Variants in ACTR8 observed in about 807,000 individuals in gnomAD.
The protein encoded by ACTR8 is actin related protein 8.
In ACTR8, 70 loss-of-function variants were observed where a neutral mutation model predicts 84.3. The ratio of observed to expected loss-of-function variants is 0.83; its 90% CI spans 0.68 to 1.01. The LOEUF (loss-of-function observed/expected upper bound fraction) is 1.01, where lower values mean the gene tolerates loss of function less well. Ranked by LOEUF, ACTR8 falls within the 50% of genes least tolerant of loss-of-function variation. The pLI, the probability that ACTR8 is intolerant of heterozygous loss-of-function variation, is 0.00. For synonymous variants in ACTR8, 268 were observed against 275.2 expected, an observed-to-expected ratio of 0.97 and a Z score of 0.26; for missense variants, 672 against 775.4, an observed-to-expected ratio of 0.87 and a Z score of 1.58.
rs948419677 is a variant in ACTR8 at position 53,868,996 on chromosome 3, C to G, written c.1732-134G>C. On this transcript the variant is annotated intron_variant, in intron 12 of 12. Coordinates refer to ENST00000335754, the MANE Select transcript of ACTR8 (RefSeq NM_022899.5). ...CCAGGCTTTCACCCTGTATTAAAGA[C>G]AGCAGGATTAAATACAGGCTCACGC... is the stretch of plus-strand genomic sequence containing the variant. The G allele has an allele frequency of 3.1e-6, 4 of 1,275,090 alleles. No individual in the cohort carries two copies. The African/African-American group carries it at 6.1e-5, about 19-fold the overall frequency. The allele number at this position is 1,275,090 out of a possible 1,614,324, so 79.0% of individuals were successfully genotyped here.
intron 6 of ACTR8, 108 bp downstream of exon 6, chr3:53,876,512 C>G (rs1699971017): frequency 4.2e-6 from 3 of 716,856 alleles, no homozygotes; most frequent in Non-Finnish European, 7.0e-6. Context: ...GAGAGAGACT[C>G]TGTCTCAAAT....
intron 3 of ACTR8, among the ~76,000 whole-genome samples, 173 bp downstream of exon 3, chr3:53,878,184 G>A (rs1257864189): frequency 6.6e-6 from 1 of 152,124 alleles, no homozygotes; most frequent in Non-Finnish European, 1.5e-5. Context: ...TATGTGGCTT[G>A]CCTAAGCATT....
At chr3:53,865,294 T>C (rs28385751), downstream of ACTR8, 3,637 of 1,604,646 alleles carry the variant, frequency 2.3e-3, 74 homozygotes, top group African/African-American at 0.043. Context: ...CCACGATGGC[T>C]GCTGCTCCTT....
chr3:53,877,658 C>T lies in ACTR8; in HGVS notation c.499G>A (p.Val167Ile). 1.9e-6 allele frequency: 3 copies of T among 1,613,456 alleles called. No homozygotes were observed. The highest frequency in any genetic ancestry group is 2.5e-6 in the Non-Finnish European group (3 of 1,179,528). Reference protein sequence around the residue: ...TNTSHHPEYLVGEEALYVNPL... With the variant: ...TNTSHHPEYLIGEEALYVNPL... Reference sequence around the variant, plus strand: ...AAGAAGTTTCTTACCTCTTCTCCTACTAAATACTCAGGGTGATGAGATGTG... The same window carrying T: ...AAGAAGTTTCTTACCTCTTCTCCTATTAAATACTCAGGGTGATGAGATGTG... The change falls in exon 4 of 13, where the codon GTA becomes ATA. Residue 167 changes from valine (V) to isoleucine (I), a missense_variant. By Grantham distance (29) the Val-to-Ile change is conservative. Coordinates refer to ENST00000335754, the MANE Select transcript of ACTR8 (RefSeq NM_022899.5).
At chr3:53,875,639 C>G (rs1215431344) in intron 7 of ACTR8, among the ~76,000 whole-genome samples, 3 of 152,184 alleles carry the variant, frequency 2.0e-5, no homozygotes, top group African/African-American at 7.2e-5. Flanking sequence ...AGCTCTATGC[C>G]AAACCACAGC....
chr3:53,878,729 T>A (rs1410329726), intron 2 of ACTR8, among the ~76,000 whole-genome samples: 1 of 151,708 alleles, frequency 6.6e-6, no homozygotes, highest in Non-Finnish European at 1.5e-5. Context: ...GAGACTAAGG[T>A]GGAAAGATTG....
chr3:53,873,513 T>C (rs546697642), intron 8 of ACTR8, among the ~76,000 whole-genome samples: 3 of 152,312 alleles, frequency 2.0e-5, no homozygotes, highest in Admixed American at 1.3e-4. Context: ...AATCCATATA[T>C]AGCAATGATT....
chr3:53,861,416 CAAAAAAGA>C, the ACTR8 span: 1 of 151,666 alleles, frequency 6.6e-6, no homozygotes, highest in Admixed American at 6.6e-5. Context: ...GGACCATAGT[CAAAAAAGA>C]AAAAAATTCA....
In ACTR8 at chr3:53,879,404, T is replaced by C. The variant is rs1046233091; in HGVS notation, c.294+535A>G. On this transcript the variant is annotated intron_variant, in intron 2 of 12. Coordinates refer to ENST00000335754, the MANE Select transcript of ACTR8 (RefSeq NM_022899.5). The stretch of plus-strand genomic sequence containing the variant: ...AAAATGTGGATTATGATGTAATATA[T>C]AGATTTATCATTGATCACAAAGAAT... Among the ~76,000 whole-genome samples the C allele has an allele frequency of 3.3e-5, 5 of 152,204 alleles. 1 individual carries two copies. The highest frequency in any genetic ancestry group is 1.9e-4 in the East Asian group (1 of 5,204).
Position 53,876,420 on chromosome 3 carries a change from G to A in ACTR8, c.778+200C>T, listed in dbSNP as rs533348644. On this transcript the variant is annotated intron_variant, in intron 6 of 12. Transcript: ENST00000335754. ...TGTAGTCCCAGCCAATCAGGAGGCT[G>A]AGGCAGGAGAGTGGCGTGAACCCGG... is the stretch of plus-strand genomic sequence containing the variant. Among the ~76,000 whole-genome samples the A allele has an allele frequency of 1.4e-4, 21 of 152,186 alleles. No individual in the cohort carries two copies. The East Asian group carries it at 3.9e-3, about 28-fold the overall frequency.
chr3:53,881,229 G>A (rs904417306), intron 1 of ACTR8, among the ~76,000 whole-genome samples: 9 of 152,210 alleles, frequency 5.9e-5, no homozygotes, highest in Admixed American at 6.5e-5. Context: ...AGCTGGATCA[G>A]AGATGTCCTA....
rs771305876 is a variant in ACTR8 at position 53,878,346 on chromosome 3, G to C, written c.405+11C>G. Reference sequence around the variant, plus strand: ...GGTGATAAAAGAATAAATCTGAAGAGTTAATCGAACCTGTTCAGGGGACAC... The same window carrying C: ...GGTGATAAAAGAATAAATCTGAAGACTTAATCGAACCTGTTCAGGGGACAC... On this transcript the variant is annotated intron_variant, in intron 3 of 12. Coordinates refer to ENST00000335754, the MANE Select transcript of ACTR8 (RefSeq NM_022899.5). 1 of 1,558,520 alleles carries C rather than the reference G, an allele frequency of 6.4e-7. No individual in the cohort carries two copies. Among genetic ancestry groups the C allele is most frequent in the South Asian group, 1.1e-5 (1 of 89,512 alleles).
the ACTR8 span, chr3:53,860,453 G>A: frequency 4.9e-4 from 188 of 381,838 alleles, no homozygotes; most frequent in African/African-American, 3.2e-3. Flanking sequence ...TGACTGTCCC[G>A]TTTTTATTTT....
At position 53,877,406 on chromosome 3, in the gene ACTR8, G is replaced by T; in HGVS notation, c.511-19C>A. ...ACAAGGCCTAGAAAAGGAGGAGGGA[G>T]ATGAGTACTTTGTTAAAACTTTTCT... On this transcript the variant is annotated intron_variant, in intron 4 of 12. Coordinates refer to ENST00000335754, the MANE Select transcript of ACTR8 (RefSeq NM_022899.5). 1 of 1,571,970 alleles carries T rather than the reference G, an allele frequency of 6.4e-7. No individual in the cohort carries two copies. Among genetic ancestry groups the T allele is most frequent in the South Asian group, 1.2e-5 (1 of 85,180 alleles).
At chr3:53,873,437 C>T (rs1699918676) in intron 8 of ACTR8, among the ~76,000 whole-genome samples, 1 of 152,010 alleles carries the variant, frequency 6.6e-6, no homozygotes, top group South Asian at 2.1e-4. Context: ...TTTTGTTTCC[C>T]CAATTTTTTA....
In ACTR8 at chr3:53,880,074, T is replaced by C. The variant is rs763300584; in HGVS notation, c.159A>G (p.Pro53=). ...GACCAATCCTTAAAGTTGTTGAACC[T>C]GGATGTATGACAATGATGAAGTTGC... ...IQSNFIIVIH[P]GSTTLRIGRA... The change falls in exon 2 of 13, where the codon CCA becomes CCG. Residue 53 remains proline (P), a synonymous_variant. Coordinates refer to ENST00000335754, the MANE Select transcript of ACTR8 (RefSeq NM_022899.5). The C allele has an allele frequency of 2.2e-5, 36 of 1,613,974 alleles. No homozygotes were observed. The highest frequency in any genetic ancestry group is 5.5e-5 in the South Asian group (5 of 91,080).
At chr3:53,864,364 G>A (rs28385750), downstream of ACTR8, among the ~76,000 whole-genome samples, 3,448 of 152,194 alleles carry the variant, frequency 0.023, 118 homozygotes, top group East Asian at 0.14. Flanking sequence ...GTGAAACCCC[G>A]TCTCTACTAA....
Position 53,877,755 on chromosome 3 carries a change from A to T in ACTR8, c.406-4T>A. 2 of 1,613,006 alleles carry T rather than the reference A, an allele frequency of 1.2e-6. No individual in the cohort carries two copies. Among genetic ancestry groups the T allele is most frequent in the Non-Finnish European group, 8.5e-7 (1 of 1,179,178 alleles). On this transcript the variant is annotated splice_polypyrimidine_tract_variant and splice_region_variant and intron_variant, in intron 3 of 12. Transcript: ENST00000335754. ...TCTGCTTATTGTAGGAGCGTGCCTGAAAAGAAAAACCATCAGAAAATTATC... is the reference window on the plus strand; with the variant it reads ...TCTGCTTATTGTAGGAGCGTGCCTGTAAAGAAAAACCATCAGAAAATTATC...
rs923807974 is a variant in ACTR8, at chr3:53,870,422, G to A, written c.1568-277C>T. The A allele has an allele frequency of 8.1e-6, 3 of 372,502 alleles. No homozygotes were observed. The highest frequency in any genetic ancestry group is 6.1e-5 in the African/African-American group (3 of 49,390). The allele number at this position is 372,502 out of a possible 1,614,324, so 23.1% of individuals were successfully genotyped here. A position where few individuals can be genotyped will look rare whatever the true frequency, so the allele number is the denominator to read the frequency against. On this transcript the variant is annotated intron_variant, in intron 11 of 12. Coordinates refer to ENST00000335754, the MANE Select transcript of ACTR8 (RefSeq NM_022899.5). The surrounding 1 kb of genome is among the most constrained non-coding windows in gnomAD (Gnocchi z 4.1). The stretch of plus-strand genomic sequence containing the variant: ...AATCCCAGCACTTTGGGAGGCCAAG[G>A]CAGGCAGATCACGAGGTCAGGAGTT...
Sources: allele counts gnomAD v4.1 joint callset (sites outside exome capture counted in the v4.1 genomes callset), GRCh38; gene constraint gnomAD v4.1.1; non-coding constraint Gnocchi (gnomAD v3.1); transcripts MANE v1.5; gene names NCBI Gene and HGNC (gene_info 2026-07-23, HGNC 2026-07-21).